Variants in MBOAT1 observed in about 807,000 individuals in gnomAD.
MBOAT1 encodes membrane bound glycerophospholipid O-acyltransferase 1.
MBOAT1 carries 67 observed loss-of-function variants against 64.4 expected under a neutral mutation model. The observed-to-expected ratio is 1.04, with a 90% confidence interval of 0.85 to 1.27. The LOEUF (loss-of-function observed/expected upper bound fraction) is 1.27, where lower values mean the gene tolerates loss of function less well. Ranked by LOEUF, MBOAT1 falls within the 50% of genes most tolerant of loss-of-function variation. The probability of loss-of-function intolerance (pLI) is 0.00; values close to 1 mark genes in which losing one functional copy is unlikely to be tolerated. For synonymous variants in MBOAT1, 229 were observed against 218.9 expected (o/e 1.05, Z -0.41); for missense variants, 563 against 604.6 (o/e 0.93, Z 0.72).
chr6:20,112,808 C>G, intron 11 of MBOAT1, 68 bp downstream of exon 11: 1 of 1,552,760 alleles, frequency 6.4e-7, no homozygotes. Flanking sequence ...TACTAGGACC[C>G]AACAGATAAC....
At chr6:20,161,654 G>GGA (rs1761865300) in intron 1 of MBOAT1, among the ~76,000 whole-genome samples, 1 of 152,116 alleles carries the variant, frequency 6.6e-6, no homozygotes, top group Non-Finnish European at 1.5e-5. Flanking sequence ...ACTTTACACA[G>GGA]GAGGAAAATG....
intron 1 of MBOAT1, among the ~76,000 whole-genome samples, chr6:20,195,933 A>G (rs1402739911): frequency 3.3e-5 from 5 of 152,042 alleles, no homozygotes; most frequent in Admixed American, 3.3e-4. Context: ...GGAAGGAAGA[A>G]AGGAAGGTTG....
In MBOAT1 at chr6:20,166,563, T is replaced by C. The variant is rs144251577; in HGVS notation, c.100-13794A>G. On this transcript the variant is annotated intron_variant, in intron 1 of 12. Transcript: ENST00000324607. The stretch of plus-strand genomic sequence containing the variant: ...TTCTGTGCTCCCTGCACAGAGTTGT[T>C]GCACATGTTGTCCTGCCTGGAGTGG... Among the ~76,000 whole-genome samples the C allele has an allele frequency of 6.6e-4, 101 of 152,244 alleles. 1 individual carries two copies. In the East Asian group the frequency reaches 0.017, roughly 26 times the overall value.
intron 1 of MBOAT1, among the ~76,000 whole-genome samples, chr6:20,192,654 C>T (rs1198797336): frequency 6.6e-6 from 1 of 152,210 alleles, no homozygotes; most frequent in Admixed American, 6.5e-5. Context: ...TAACAGGAAA[C>T]AACGCCTATC....
chr6:20,150,236 C>A (rs1197600488), intron 3 of MBOAT1, among the ~76,000 whole-genome samples: 1 of 152,048 alleles, frequency 6.6e-6, no homozygotes, highest in African/African-American at 2.4e-5. Flanking sequence ...AAAAATATTT[C>A]TTTTTTAACA....
chr6:20,155,772 TCTAA>T (rs917170659), intron 1 of MBOAT1, among the ~76,000 whole-genome samples: 2 of 152,128 alleles, frequency 1.3e-5, no homozygotes, highest in African/African-American at 4.8e-5. Context: ...CCTACTAAAC[TCTAA>T]CTAGAGACTT....
chr6:20,195,863 C>A (rs1265264898), intron 1 of MBOAT1, among the ~76,000 whole-genome samples: 1 of 152,086 alleles, frequency 6.6e-6, no homozygotes, highest in Non-Finnish European at 1.5e-5. Context: ...GGGGTATATA[C>A]CCATCCAGGT....
intron 8 of MBOAT1, among the ~76,000 whole-genome samples, chr6:20,123,792 C>G (rs754163979): frequency 2.8e-4 from 43 of 152,282 alleles, no homozygotes; most frequent in Non-Finnish European, 2.5e-4. Context: ...CGTGGTGGCT[C>G]ACACCTGTAA....
intron 3 of MBOAT1, among the ~76,000 whole-genome samples, chr6:20,149,568 C>T (rs1761429446): frequency 1.3e-5 from 2 of 152,004 alleles, no homozygotes. Context: ...GAAACATTTC[C>T]AAAACCCATT....
chr6:20,199,957 G>A (rs1313272558), intron 1 of MBOAT1, among the ~76,000 whole-genome samples: 1 of 148,116 alleles, frequency 6.8e-6, no homozygotes, highest in Non-Finnish European at 1.5e-5. Context: ...AACAGGGTAA[G>A]ACTCTGTCTC....
intron 1 of MBOAT1, among the ~76,000 whole-genome samples, chr6:20,165,550 C>T (rs772611311): frequency 4.3e-4 from 66 of 152,190 alleles, no homozygotes; most frequent in Middle Eastern, 3.4e-3. Flanking sequence ...CAAGCCCAGC[C>T]TTTCCAATAT....
At chr6:20,160,036 C>G (rs1761804185) in intron 1 of MBOAT1, among the ~76,000 whole-genome samples, 2 of 152,170 alleles carry the variant, frequency 1.3e-5, no homozygotes. Flanking sequence ...ACAAGCAAGA[C>G]TGACATAGCT....
In MBOAT1 at chr6:20,101,057, C is replaced by T. The variant is rs1279509560; in HGVS notation, c.*1229G>A. On this transcript the variant is annotated 3_prime_UTR_variant, in exon 13 of 13. Transcript: ENST00000324607. ...AAATCAGCCCATGTGTACATCACGG[C>T]CAGCCATGATCATTAACACCTCCAT... Among the ~76,000 whole-genome samples, 2 of 152,030 alleles carry T rather than the reference C, an allele frequency of 1.3e-5. No homozygotes were observed. Among genetic ancestry groups the T allele is most frequent in the East Asian group, 3.9e-4 (2 of 5,182 alleles).
At chr6:20,164,365 T>C (rs1285841383) in intron 1 of MBOAT1, among the ~76,000 whole-genome samples, 1 of 152,084 alleles carries the variant, frequency 6.6e-6, no homozygotes, top group Non-Finnish European at 1.5e-5. Context: ...TAATAACATC[T>C]ACCCTACCAG....
At chr6:20,176,749 T>A (rs1762352341) in intron 1 of MBOAT1, among the ~76,000 whole-genome samples, 1 of 152,072 alleles carries the variant, frequency 6.6e-6, no homozygotes, top group South Asian at 2.1e-4. Context: ...TCAGCCTCCC[T>A]AGCAGCTGGG....
At chr6:20,160,519 A>G (rs1254052311) in intron 1 of MBOAT1, among the ~76,000 whole-genome samples, 2 of 152,224 alleles carry the variant, frequency 1.3e-5, no homozygotes, top group African/African-American at 4.8e-5. Flanking sequence ...GATTGGGAGA[A>G]AATATTTGCA....
chr6:20,132,865 CAAT>C, intron 4 of MBOAT1, among the ~76,000 whole-genome samples: 1 of 152,148 alleles, frequency 6.6e-6, no homozygotes, highest in East Asian at 1.9e-4. Flanking sequence ...TCTTACAACT[CAAT>C]AATACAAACC....
chr6:20,141,602 T>C (rs1256003572), intron 4 of MBOAT1, among the ~76,000 whole-genome samples: 1 of 152,114 alleles, frequency 6.6e-6, no homozygotes, highest in African/African-American at 2.4e-5. Context: ...CTCAAACTCC[T>C]GAGCTCAAGC....
At chr6:20,186,836 T>C (rs149451163) in intron 1 of MBOAT1, among the ~76,000 whole-genome samples, 7 of 152,316 alleles carry the variant, frequency 4.6e-5, no homozygotes, top group Admixed American at 1.3e-4. Flanking sequence ...GATCAATTTC[T>C]AGTTAATTTA....
Sources: allele counts gnomAD v4.1 joint callset (sites outside exome capture counted in the v4.1 genomes callset), GRCh38; gene constraint gnomAD v4.1.1; transcripts MANE v1.5; gene names NCBI Gene and HGNC (gene_info 2026-07-23, HGNC 2026-07-21).